Variants in MACO1 observed in about 807,000 individuals in gnomAD.
The protein encoded by MACO1 is macoilin 1, also known as macoilin.
In MACO1, 14 loss-of-function variants were observed where a neutral mutation model predicts 78.7. The observed-to-expected ratio is 0.18, with a 90% confidence interval of 0.12 to 0.28. The LOEUF (loss-of-function observed/expected upper bound fraction) is 0.28. Ranked by LOEUF, MACO1 falls within the 10% of genes least tolerant of loss-of-function variation. The pLI is 1.00. For synonymous variants in MACO1, 288 were observed against 291.6 expected (o/e 0.99, Z 0.12); for missense variants, 501 against 799.0 (o/e 0.63, Z 4.50).
chr1:25,443,442 G>A (rs976860679), intron 1 of MACO1, among the ~76,000 whole-genome samples: 2 of 152,202 alleles, frequency 1.3e-5, no homozygotes, highest in Non-Finnish European at 2.9e-5. Flanking sequence ...TATGGCATAC[G>A]TTTGTAAAAG....
At chr1:25,456,889 G>C (rs1472969506) in intron 5 of MACO1, 58 bp downstream of exon 5, 35 of 1,512,656 alleles carry the variant, frequency 2.3e-5, no homozygotes, top group Non-Finnish European at 3.1e-5. Context: ...TTGTCTCTTG[G>C]TAGAATTTTC....
intron 1 of MACO1, among the ~76,000 whole-genome samples, chr1:25,440,788 A>G (rs1330310315): frequency 1.3e-5 from 2 of 151,908 alleles, no homozygotes; most frequent in Admixed American, 6.6e-5. Flanking sequence ...AAAAAAAAGA[A>G]AAGTAACAAT....
intron 1 of MACO1, among the ~76,000 whole-genome samples, chr1:25,434,768 G>A (rs1004509146): frequency 3.9e-5 from 6 of 152,244 alleles, no homozygotes; most frequent in Admixed American, 2.6e-4. Context: ...ATATTTCTAA[G>A]GTCCTTTGGT....
At chr1:25,475,551 A>C (rs902085385) in intron 6 of MACO1, among the ~76,000 whole-genome samples, 37 of 137,930 alleles carry the variant, frequency 2.7e-4, no homozygotes, top group Admixed American at 4.3e-4. Flanking sequence ...CAGGCTCTAC[A>C]AAAAAAAAAA....
At chr1:25,435,397 G>A (rs1470007108) in intron 1 of MACO1, among the ~76,000 whole-genome samples, 1 of 152,112 alleles carries the variant, frequency 6.6e-6, no homozygotes, top group Non-Finnish European at 1.5e-5. Context: ...AAATTCTCTG[G>A]TCCTTGGGGC....
At chr1:25,443,042 G>T (rs911314411) in intron 1 of MACO1, among the ~76,000 whole-genome samples, 12 of 152,116 alleles carry the variant, frequency 7.9e-5, no homozygotes, top group Non-Finnish European at 1.3e-4. Flanking sequence ...TGGTTTAAAA[G>T]AAATATTTTA....
At chr1:25,434,806 C>T (rs2042905476) in intron 1 of MACO1, among the ~76,000 whole-genome samples, 1 of 152,166 alleles carries the variant, frequency 6.6e-6, no homozygotes, top group East Asian at 1.9e-4. Flanking sequence ...CTCCTTGTGT[C>T]TGCCTAGACA....
intron 4 of MACO1, 34 bp downstream of exon 4, chr1:25,454,416 G>T: frequency 7.4e-7 from 1 of 1,351,110 alleles, no homozygotes; most frequent in Non-Finnish European, 1.0e-6. Context: ...GTGTGTGTGT[G>T]TATATGTGTG....
chr1:25,470,165 A>G (rs2043255130), intron 6 of MACO1, among the ~76,000 whole-genome samples: 1 of 152,252 alleles, frequency 6.6e-6, no homozygotes, highest in Non-Finnish European at 1.5e-5. Flanking sequence ...AAGTGAAGAG[A>G]GAATCCAAGA....
rs554552598 is a variant in MACO1, at chr1:25,499,210, C to T, written c.*744C>T. 6.6e-6 allele frequency: 1 copy of T among 152,320 alleles called. No individual in the cohort carries two copies. Among genetic ancestry groups the T allele is most frequent in the Non-Finnish European group, 1.5e-5 (1 of 68,038 alleles). The allele number at this position is 152,320 out of a possible 1,614,324, so 9.4% of individuals were successfully genotyped here. A position where few individuals can be genotyped will look rare whatever the true frequency, so the allele number is the denominator to read the frequency against. Reference sequence around the variant, plus strand: ...CTTGATAATTTTAAACTCTTTTCCCCCTTTACCGTCATCTATCCTCTATCT... The same window carrying T: ...CTTGATAATTTTAAACTCTTTTCCCTCTTTACCGTCATCTATCCTCTATCT... On this transcript the variant is annotated 3_prime_UTR_variant, in exon 11 of 11. Coordinates refer to ENST00000374343, the MANE Select transcript of MACO1 (RefSeq NM_018202.6).
chr1:25,451,642 C>A (rs546770402), intron 3 of MACO1, among the ~76,000 whole-genome samples: 143 of 152,246 alleles, frequency 9.4e-4, no homozygotes, highest in Middle Eastern at 3.4e-3. Context: ...CACAGTGGCT[C>A]ACACCTGCAA....
chr1:25,454,489 T>TATATATA (rs371533394), intron 4 of MACO1, 107 bp downstream of exon 4: 34 of 89,878 alleles, frequency 3.8e-4, no homozygotes, highest in African/African-American at 1.3e-3. Context: ...TATATATATA[T>TATATATA]TTTTTTTTTT....
chr1:25,458,642 C>T lies in MACO1; in HGVS notation c.904C>T (p.Leu302Phe). The stretch of plus-strand genomic sequence containing the variant: ...CAATAGTAAAAGATTAAATAATGAT[C>T]TTGTGGGAAGTACAGAAAATCTCTT... ...HINSKRLNND[L>F]VGSTENLLKE... The change falls in exon 6 of 11, where the codon CTT becomes TTT. Residue 302 changes from leucine (L) to phenylalanine (F), a missense_variant. Physicochemically the swap from Leu to Phe is conservative, Grantham distance 22. This residue lies in a region of MACO1 where 90 missense variants were observed against 85.7 expected (regional missense o/e 1.05). Transcript: ENST00000374343. The T allele has an allele frequency of 6.2e-7, 1 of 1,614,092 alleles. No individual in the cohort carries two copies. The highest frequency in any genetic ancestry group is 1.3e-5 in the African/African-American group (1 of 75,036).
At chr1:25,433,991 G>A (rs1416298200) in intron 1 of MACO1, among the ~76,000 whole-genome samples, 4 of 152,172 alleles carry the variant, frequency 2.6e-5, no homozygotes, top group Non-Finnish European at 5.9e-5. Context: ...AAAAAATCCT[G>A]TTGTGGACTC....
In MACO1 at chr1:25,473,685, T is replaced by G. The variant is rs1422557222; in HGVS notation, c.1155-10431T>G. 5.3e-5 allele frequency among the ~76,000 whole-genome samples: 8 copies of G among 152,224 alleles called. 1 individual carries two copies. Among genetic ancestry groups the G allele is most frequent in the African/African-American group, 1.9e-4 (8 of 41,458 alleles). On this transcript the variant is annotated intron_variant, in intron 6 of 10. Transcript: ENST00000374343. ...TTCATCTAAGGGGGTTAGGGGTGGA[T>G]TCCCTGAAGGGAAGGTAACCCCAAG...
chr1:25,434,511 G>T (rs747174272), intron 1 of MACO1, among the ~76,000 whole-genome samples: 3 of 152,118 alleles, frequency 2.0e-5, no homozygotes, highest in Non-Finnish European at 4.4e-5. Flanking sequence ...TCTTAAATTT[G>T]TACAGTGGTT....
At chr1:25,496,128 G>T (rs2124615725) in intron 10 of MACO1, among the ~76,000 whole-genome samples, 1 of 150,926 alleles carries the variant, frequency 6.6e-6, no homozygotes, top group Non-Finnish European at 1.5e-5. Context: ...TCTTTTTTAA[G>T]CATTTTTGTG....
intron 6 of MACO1, among the ~76,000 whole-genome samples, chr1:25,482,447 C>T (rs2043387797): frequency 6.6e-6 from 1 of 152,168 alleles, no homozygotes. Context: ...ACTCTCTCCC[C>T]AGTACAAGCT....
At chr1:25,433,654 C>A (rs530824184) in intron 1 of MACO1, among the ~76,000 whole-genome samples, 1 of 152,144 alleles carries the variant, frequency 6.6e-6, no homozygotes, top group African/African-American at 2.4e-5. Flanking sequence ...TGGTGAAAAG[C>A]GCACTGGACT....
Sources: allele counts gnomAD v4.1 joint callset (sites outside exome capture counted in the v4.1 genomes callset), GRCh38; gene constraint gnomAD v4.1.1; regional missense constraint gnomAD v4.1.1; transcripts MANE v1.5; gene names NCBI Gene and HGNC (gene_info 2026-07-23, HGNC 2026-07-21).